KCNH4: variants seen among roughly 807,000 people sequenced by gnomAD.
KCNH4 encodes voltage-gated delayed rectifier potassium channel KCNH4.
In KCNH4, 33 loss-of-function variants were observed where a neutral mutation model predicts 90.7. The ratio of observed to expected loss-of-function variants is 0.36; its 90% CI spans 0.28 to 0.49. The LOEUF (loss-of-function observed/expected upper bound fraction) is 0.49. Among genes scored for constraint, KCNH4 ranks in the 20% least tolerant of loss-of-function variants. KCNH4 has a pLI of 0.98. For synonymous variants in KCNH4, 551 were observed against 581.7 expected (o/e 0.95, Z 0.76); for missense variants, 1,044 against 1,387.1 (o/e 0.75, Z 3.93).
chr17:42,177,405 C>T (rs935420849), intron 4 of KCNH4, among the ~76,000 whole-genome samples: 3 of 151,046 alleles, frequency 2.0e-5, no homozygotes, highest in Non-Finnish European at 2.9e-5. Context: ...CACTATGTTG[C>T]CCAGGCTGGT....
rs141736725 is a variant in KCNH4, at chr17:42,169,619, G to C, written c.1448C>G (p.Ser483Trp). ...NVTAIIQRMY[S>W]RRSLYHSRMK... ...GCGGCTGTGGTAGAGCGAGCGGCGC[G>C]AGTACATGCGCTGGATGATGGCTGT... The change falls in exon 9 of 17, where the codon TCG (serine) becomes TGG (tryptophan). Residue 483 changes from serine to tryptophan, a missense_variant. This residue lies in a region of KCNH4 where 318 missense variants were observed against 479.6 expected (regional missense o/e 0.66). Transcript: ENST00000264661. The C allele has an allele frequency of 6.2e-7, 1 of 1,613,988 alleles. No homozygotes were observed. Among genetic ancestry groups the C allele is most frequent in the Non-Finnish European group, 8.5e-7 (1 of 1,179,984 alleles).
chr17:42,176,879 T>C lies in KCNH4; in HGVS notation c.586-582A>G, dbSNP rs111375929. On this transcript the variant is annotated intron_variant, in intron 4 of 16. Coordinates refer to ENST00000264661, the MANE Select transcript of KCNH4 (RefSeq NM_012285.3). ...TCAAGGGTATTTATGAGGCTTGACA[T>C]TCACCCAACTTGATTTTTACATTTT... Among the ~76,000 whole-genome samples the C allele has an allele frequency of 8.8e-3, 1,336 of 151,898 alleles. 22 individuals carry two copies. The highest frequency in any genetic ancestry group is 0.03 in the African/African-American group (1,258 of 41,402).
Position 42,165,476 on chromosome 17 carries a change from G to A in KCNH4, c.2058C>T (p.Phe686=). The change falls in exon 11 of 17, where the codon TTC becomes TTT. Residue 686 remains phenylalanine, a synonymous_variant. Transcript: ENST00000264661. The stretch of plus-strand genomic sequence containing the variant: ...TGGTGTCAGAGCCCTGGCGCAGGTT[G>A]AAGGTGAGGTCCCGGGGCAGGCCAG... ...FRAGLPRDLT[F]NLRQGSDTSG... 6.2e-7 allele frequency: 1 copy of A among 1,614,206 alleles called. No homozygotes were observed. The highest frequency in any genetic ancestry group is 8.5e-7 in the Non-Finnish European group (1 of 1,180,026).
rs2079893231 is a variant in KCNH4 at position 42,180,420 on chromosome 17, C to T, written c.76+450G>A. ...CGCCCCACGATTTGGGGGCGCGCGA[C>T]CTCAATCCAAACTAGGTCCTGCTGA... On this transcript the variant is annotated intron_variant, in intron 1 of 16. Transcript: ENST00000264661. The surrounding 1 kb of genome is among the most constrained non-coding windows in gnomAD (Gnocchi z 4.7). Among the ~76,000 whole-genome samples the T allele has an allele frequency of 6.6e-6, 1 of 152,122 alleles. No individual in the cohort carries two copies. Among genetic ancestry groups the T allele is most frequent in the Admixed American group, 6.5e-5 (1 of 15,280 alleles).
At chr17:42,178,539 C>T (rs1308582723) in intron 2 of KCNH4, 62 bp from the exon 3 acceptor site, 2 of 1,568,560 alleles carry the variant, frequency 1.3e-6, no homozygotes, top group Non-Finnish European at 1.7e-6. Context: ...CCTTTCTCCT[C>T]ATCCCTCTCA....
At chr17:42,172,042 G>A (rs546140660) in intron 6 of KCNH4, 47 bp from the exon 7 acceptor site, 20 of 1,494,276 alleles carry the variant, frequency 1.3e-5, no homozygotes, top group East Asian at 4.9e-5. Context: ...CACCTCCTCC[G>A]AGCCCTCAGA....
rs1405820365 is a variant in KCNH4, at chr17:42,163,423, CA to C, written c.2478-90del. 3.0e-6 allele frequency: 3 copies of C among 989,760 alleles called. No homozygotes were observed. Among genetic ancestry groups the C allele is most frequent in the South Asian group, 1.4e-5 (1 of 71,778 alleles). 61.3% of individuals were successfully genotyped at this position (989,760 alleles called of 1,614,324 possible). On this transcript the variant is annotated intron_variant, in intron 13 of 16. Coordinates refer to ENST00000264661, the MANE Select transcript of KCNH4 (RefSeq NM_012285.3). The surrounding 1 kb of genome is among the most constrained non-coding windows in gnomAD (Gnocchi z 5.4). ...AGAGGGGGACTGGGGGCAGCAGTGC[CA>C]GGGGGCGGAGCAAGAGCAGCAGTCA...
At position 42,169,526 on chromosome 17, in the gene KCNH4, T is replaced by G; in HGVS notation, c.1541A>C (p.Glu514Ala). The G allele has an allele frequency of 6.2e-7, 1 of 1,613,500 alleles. No homozygotes were observed. The highest frequency in any genetic ancestry group is 8.5e-7 in the Non-Finnish European group (1 of 1,180,018). ...LPRPLKQRML[E>A]YFQTTWAVNS... Reference sequence around the variant, plus strand: ...GACGGCCCACGTGGTCTGGAAGTATTCGAGCATGCGCTGCTTGAGCGGCCG... The same window carrying G: ...GACGGCCCACGTGGTCTGGAAGTATGCGAGCATGCGCTGCTTGAGCGGCCG... Residue 514 changes from glutamate to alanine, a missense_variant, in exon 9 of 17, where the codon GAA becomes GCA. Around this residue, in one of 4 missense-constraint regions of KCNH4, gnomAD observed 318 missense variants for 479.6 expected, o/e 0.66. Coordinates refer to ENST00000264661, the MANE Select transcript of KCNH4 (RefSeq NM_012285.3).
intron 9 of KCNH4, among the ~76,000 whole-genome samples, chr17:42,168,082 T>C (rs2079800147): frequency 2.6e-5 from 4 of 152,116 alleles, no homozygotes; most frequent in Admixed American, 2.6e-4. Context: ...CCACCTTCCT[T>C]GACTCCTCCC....
At position 42,181,074 on chromosome 17, in the gene KCNH4, C is replaced by T. The variant is rs1352693130; in HGVS notation, c.-129G>A. Reference sequence around the variant, plus strand: ...CTGCCTCCTCCCCTCCCTCTTACTGCCGCTGCCGCTGCCGCTGCCTCTGCT... The same window carrying T: ...CTGCCTCCTCCCCTCCCTCTTACTGTCGCTGCCGCTGCCGCTGCCTCTGCT... On this transcript the variant is annotated 5_prime_UTR_variant, in exon 1 of 17. Transcript: ENST00000264661. The T allele has an allele frequency of 4.3e-6, 3 of 696,246 alleles. No homozygotes were observed. Among genetic ancestry groups the T allele is most frequent in the Non-Finnish European group, 7.1e-6 (3 of 423,436 alleles). 43.1% of individuals were successfully genotyped at this position (696,246 alleles called of 1,614,324 possible).
intron 6 of KCNH4, among the ~76,000 whole-genome samples, chr17:42,173,442 A>C (rs1567641459): frequency 1.3e-5 from 2 of 152,118 alleles, no homozygotes; most frequent in Non-Finnish European, 2.9e-5. Flanking sequence ...GGCTTCCCTC[A>C]GTCAGCTGCC....
At chr17:42,169,399 A>G (rs1301727247) in intron 9 of KCNH4, 78 bp downstream of exon 9, 1 of 1,336,550 alleles carries the variant, frequency 7.5e-7, no homozygotes, top group Admixed American at 1.8e-5. Flanking sequence ...TTTAAGCTAC[A>G]GGGGCAGCGA....
chr17:42,173,794 G>A (rs949267439), intron 6 of KCNH4, among the ~76,000 whole-genome samples: 8 of 128,472 alleles, frequency 6.2e-5, no homozygotes, highest in African/African-American at 1.7e-4. Context: ...TCTGCCTCCC[G>A]GGTTCAGACC....
rs373847382 is a variant in KCNH4 at position 42,165,665 on chromosome 17, G to T, written c.1869C>A (p.Ile623=). 3.1e-6 allele frequency: 5 copies of T among 1,614,166 alleles called. No individual in the cohort carries two copies. In the South Asian group the frequency reaches 3.3e-5, roughly 11 times the overall value. Residue 623 remains isoleucine, a synonymous_variant, in exon 11 of 17, where the codon ATC becomes ATA. Transcript: ENST00000264661. The stretch of plus-strand genomic sequence containing the variant: ...ACCCAGGCTCCTGCCCCGGCTCAGG[G>T]ATATCTGCTCCAATCAGGTCCCCCT... ...LGKGDLIGAD[I]PEPGQEPGLG... is the part of the protein sequence containing the mutation.
At position 42,171,893 on chromosome 17, in the gene KCNH4, G is replaced by A. The variant is rs2079829711; in HGVS notation, c.1090C>T (p.Leu364=). 1 of 1,614,190 alleles carries A rather than the reference G, an allele frequency of 6.2e-7. No individual in the cohort carries two copies. Among genetic ancestry groups the A allele is most frequent in the African/African-American group, 1.3e-5 (1 of 75,048 alleles). Residue 364 remains leucine (L), a synonymous_variant, in exon 7 of 17, where the codon CTG becomes TTG. Coordinates refer to ENST00000264661, the MANE Select transcript of KCNH4 (RefSeq NM_012285.3). ...YSQCSAVVLT[L]LMSVFALLAH... Reference sequence around the variant, plus strand: ...AGGAGCGCAAAGACCGACATGAGCAGCGTGAGCACCACAGCACTGCACTGA... The same window carrying A: ...AGGAGCGCAAAGACCGACATGAGCAACGTGAGCACCACAGCACTGCACTGA...
chr17:42,176,319 T>C (rs1398428151), intron 4 of KCNH4, 22 bp from the exon 5 acceptor site: 7 of 1,596,964 alleles, frequency 4.4e-6, no homozygotes, highest in South Asian at 2.2e-5. Flanking sequence ...GGGGTGGCGG[T>C]TGGGGACACT....
chr17:42,165,775 G>A lies in KCNH4; in HGVS notation c.1841-82C>T, dbSNP rs113325281. On this transcript the variant is annotated intron_variant, in intron 10 of 16. Coordinates refer to ENST00000264661, the MANE Select transcript of KCNH4 (RefSeq NM_012285.3). ...CTGGAGGTGCTCAGTGGATTTGAGG[G>A]GTGGTCAGTGTGTTTGAAGGATGGT... 4,872 of 1,531,920 alleles carry A rather than the reference G, an allele frequency of 3.2e-3. 32 individuals carry two copies. Among genetic ancestry groups the A allele is most frequent in the African/African-American group, 0.018 (1,303 of 73,416 alleles). The allele number at this position is 1,531,920 out of a possible 1,614,324, so 94.9% of individuals were successfully genotyped here.
rs1598268327 is a variant in KCNH4, at chr17:42,163,487, C to T, written c.2477+119G>A. On this transcript the variant is annotated intron_variant, in intron 13 of 16. Transcript: ENST00000264661. This position sits in a 1 kb window ranked among gnomAD's most constrained non-coding sequence, Gnocchi z 5.4. ...GTTGCAAGCTGTGGTTGGAAGGGTG[C>T]GGTGGGCACACGGGCAGAGACGGAA... 1.5e-5 allele frequency: 11 copies of T among 741,742 alleles called. No homozygotes were observed. Among genetic ancestry groups the T allele is most frequent in the South Asian group, 8.5e-5 (5 of 58,830 alleles). 45.9% of individuals were successfully genotyped at this position (741,742 alleles called of 1,614,324 possible). A position where few individuals can be genotyped will look rare whatever the true frequency, so the allele number is the denominator to read the frequency against.
chr17:42,178,307 C>T (rs2079876957), intron 3 of KCNH4, 24 bp downstream of exon 3: 1 of 1,614,166 alleles, frequency 6.2e-7, no homozygotes. Flanking sequence ...ACCATTCACA[C>T]TGCCCGTCCG....
Sources: gnomAD v4.1 joint callset for allele counts (sites outside exome capture counted in the v4.1 genomes callset) on GRCh38, gnomAD v4.1.1 for gene constraint, gnomAD v4.1.1 regional missense constraint, Gnocchi (gnomAD v3.1) non-coding constraint, MANE v1.5 for transcripts, NCBI Gene and HGNC (gene_info 2026-07-23, HGNC 2026-07-21) for gene names.